The following DIP2B variants were observed in gnomAD, a reference collection of about 807,000 sequenced individuals.
The protein encoded by DIP2B is disco-interacting protein 2 homolog B.
DIP2B carries 76 observed loss-of-function variants against 198.0 expected under a neutral mutation model. The observed-to-expected ratio is 0.38, with a 90% CI of 0.32 to 0.46. The LOEUF (loss-of-function observed/expected upper bound fraction) is 0.46, where lower values mean the gene tolerates loss of function less well. Among genes scored for constraint, DIP2B ranks in the 20% least tolerant of loss-of-function variants. The probability of loss-of-function intolerance (pLI) is 0.99; values close to 1 mark genes in which losing one functional copy is unlikely to be tolerated. For missense variants in DIP2B, 1,559 were observed against 1,978.4 expected, an observed-to-expected ratio of 0.79 and a Z score of 4.02; for synonymous variants, 701 against 739.1, an observed-to-expected ratio of 0.95 and a Z score of 0.84.
chr12:50,729,124 C>T (rs893919134), intron 30 of DIP2B, among the ~76,000 whole-genome samples: 9 of 152,198 alleles, frequency 5.9e-5, no homozygotes, highest in African/African-American at 2.2e-4. Context: ...CAGATCCCAG[C>T]TCCTCTCACC....
chr12:50,614,134 A>G (rs914752491), intron 1 of DIP2B, among the ~76,000 whole-genome samples: 1 of 152,154 alleles, frequency 6.6e-6, no homozygotes, highest in African/African-American at 2.4e-5. Flanking sequence ...TCAGTGTCCT[A>G]AATAATCTGT....
intron 1 of DIP2B, among the ~76,000 whole-genome samples, chr12:50,509,811 G>A (rs1449078203): frequency 6.6e-6 from 1 of 152,186 alleles, no homozygotes; most frequent in Non-Finnish European, 1.5e-5. Flanking sequence ...CCCAAAATCC[G>A]TAGCTTAGTC....
chr12:50,588,705 A>G lies in DIP2B; in HGVS notation c.101-37271A>G, dbSNP rs139305943. ...TCTTAACCCAGCTGCTGGATTCTAT[A>G]TTTACAGCCCCTACTGCCTAGCTGG... On this transcript the variant is annotated intron_variant, in intron 1 of 37. Transcript: ENST00000301180. Among the ~76,000 whole-genome samples the G allele has an allele frequency of 1.1e-4, 17 of 152,202 alleles. No homozygotes were observed. In the East Asian group the frequency reaches 2.3e-3, roughly 21 times the overall value.
At position 50,747,248 on chromosome 12, in the gene DIP2B, T is replaced by G. The variant is rs1003870275; in HGVS notation, c.*2409T>G. ...TACCATATTAGACAGTGCAGATCTA[T>G]ACTCATTCCTTCAAATACATTACTC... On this transcript the variant is annotated 3_prime_UTR_variant, in exon 38 of 38. Transcript: ENST00000301180. 1 of 152,232 alleles carries G rather than the reference T, an allele frequency of 6.6e-6. No individual in the cohort carries two copies. Among genetic ancestry groups the G allele is most frequent in the Non-Finnish European group, 1.5e-5 (1 of 68,046 alleles). 9.4% of individuals were successfully genotyped at this position (152,232 alleles called of 1,614,324 possible).
At chr12:50,666,010 A>T (rs1938746167) in intron 4 of DIP2B, among the ~76,000 whole-genome samples, 1 of 152,204 alleles carries the variant, frequency 6.6e-6, no homozygotes, top group African/African-American at 2.4e-5. Context: ...AAAGTTGGCA[A>T]ATCAGACCTC....
intron 16 of DIP2B, 51 bp downstream of exon 16, chr12:50,696,018 T>C (rs771561585): frequency 1.2e-6 from 2 of 1,610,914 alleles, no homozygotes; most frequent in Admixed American, 1.7e-5. Flanking sequence ...TTTGATAGAT[T>C]AGGGTTTTTC....
intron 1 of DIP2B, among the ~76,000 whole-genome samples, chr12:50,567,611 T>G (rs1958577461): frequency 6.6e-6 from 1 of 152,174 alleles, no homozygotes; most frequent in Non-Finnish European, 1.5e-5. Flanking sequence ...TACTGCAACC[T>G]TTACCACCCG....
intron 1 of DIP2B, among the ~76,000 whole-genome samples, chr12:50,618,291 A>G (rs959254528): frequency 1.3e-5 from 2 of 152,212 alleles, no homozygotes; most frequent in African/African-American, 4.8e-5. Flanking sequence ...CTCAACGTCA[A>G]GTGTCTGAGG....
intron 1 of DIP2B, among the ~76,000 whole-genome samples, chr12:50,534,918 G>T (rs1213586572): frequency 1.3e-5 from 2 of 152,122 alleles, no homozygotes; most frequent in Non-Finnish European, 2.9e-5. Flanking sequence ...ATATGAAAAG[G>T]AGATCCTATT....
rs924682083 is a variant in DIP2B, at chr12:50,525,867, T to C, written c.100+20627T>C. On this transcript the variant is annotated intron_variant, in intron 1 of 37. Transcript: ENST00000301180. ...CTTCCTAGAATGTTCTGCTCCAACTTAGTCTCAGTTCAAAGTTAACCTCCT... is the reference window on the plus strand; with the variant it reads ...CTTCCTAGAATGTTCTGCTCCAACTCAGTCTCAGTTCAAAGTTAACCTCCT... 3.3e-5 allele frequency among the ~76,000 whole-genome samples: 5 copies of C among 152,086 alleles called. No homozygotes were observed. In the East Asian group the frequency reaches 5.8e-4, roughly 18 times the overall value.
At chr12:50,600,292 G>A (rs1958923826) in intron 1 of DIP2B, among the ~76,000 whole-genome samples, 1 of 152,152 alleles carries the variant, frequency 6.6e-6, no homozygotes, top group African/African-American at 2.4e-5. Context: ...GTTGGATGAG[G>A]ACAAAATATT....
chr12:50,744,888 A>G lies in DIP2B; in HGVS notation c.*49A>G. ...GGCCATTCTGAAGAATCACAAAGAC[A>G]GAAGACCTCTGGCTAAGAGCAGGCT... On this transcript the variant is annotated 3_prime_UTR_variant, in exon 38 of 38. Transcript: ENST00000301180. 2 of 1,598,402 alleles carry G rather than the reference A, an allele frequency of 1.3e-6. No homozygotes were observed. Among genetic ancestry groups the G allele is most frequent in the Non-Finnish European group, 1.7e-6 (2 of 1,169,128 alleles).
chr12:50,732,473 G>C lies in DIP2B; in HGVS notation c.3918G>C (p.Gly1306=), dbSNP rs1227978943. Residue 1306 remains glycine (G), a synonymous_variant, in exon 32 of 38, where the codon GGG becomes GGC. Transcript: ENST00000301180. ...QSFSKLFKDI[G]LSPRAVSTTF... ...TCTCTAAGCTCTTCAAAGACATCGG[G>C]CTGTCCCCGCGGGCTGTCAGCACCA... 6 of 1,614,072 alleles carry C rather than the reference G, an allele frequency of 3.7e-6. No individual in the cohort carries two copies. Among genetic ancestry groups the C allele is most frequent in the Non-Finnish European group, 5.1e-6 (6 of 1,180,038 alleles).
chr12:50,654,023 G>A (rs1012464583), intron 3 of DIP2B, among the ~76,000 whole-genome samples: 1 of 151,844 alleles, frequency 6.6e-6, no homozygotes, highest in African/African-American at 2.4e-5. Context: ...ACAGGTGCAC[G>A]CTACCACACC....
intron 1 of DIP2B, among the ~76,000 whole-genome samples, chr12:50,568,302 T>A (rs952512050): frequency 6.6e-6 from 1 of 152,208 alleles, no homozygotes; most frequent in East Asian, 1.9e-4. Context: ...TTTTCCAGCT[T>A]TCTCCTGTTT....
intron 1 of DIP2B, among the ~76,000 whole-genome samples, chr12:50,610,113 A>G (rs1468395043): frequency 6.6e-6 from 1 of 152,210 alleles, no homozygotes; most frequent in Non-Finnish European, 1.5e-5. Context: ...TTCTAGAATA[A>G]TGATTTTTAA....
intron 23 of DIP2B, among the ~76,000 whole-genome samples, chr12:50,716,254 T>C (rs1385512701): frequency 6.6e-6 from 1 of 151,538 alleles, no homozygotes; most frequent in Non-Finnish European, 1.5e-5. Context: ...CATATTTACT[T>C]AAAATTGTAG....
At chr12:50,588,774 A>G (rs1958792665) in intron 1 of DIP2B, among the ~76,000 whole-genome samples, 1 of 152,184 alleles carries the variant, frequency 6.6e-6, no homozygotes, top group South Asian at 2.1e-4. Flanking sequence ...TTTGGAGGAT[A>G]GAGGTGGGGT....
rs1345698161 is a variant in DIP2B, at chr12:50,578,399, GTTA to G, written c.101-47575_101-47573del. Among the ~76,000 whole-genome samples the G allele has an allele frequency of 4.0e-5, 6 of 151,550 alleles. No homozygotes were observed. The East Asian group carries it at 5.8e-4, about 15-fold the overall frequency. Reference sequence around the variant, plus strand: ...TTATGTGTTGGTTATTTGGAAAATAGTTATACGTACCTTCTAAATTTTGACATA... The same window carrying G: ...TTATGTGTTGGTTATTTGGAAAATAGTACGTACCTTCTAAATTTTGACATA... On this transcript the variant is annotated intron_variant, in intron 1 of 37. Transcript: ENST00000301180.
Sources: gnomAD v4.1 joint callset for allele counts (sites outside exome capture counted in the v4.1 genomes callset) on GRCh38, gnomAD v4.1.1 for gene constraint, MANE v1.5 for transcripts, NCBI Gene and HGNC (gene_info 2026-07-23, HGNC 2026-07-21) for gene names.